GABRB1: variants seen among roughly 807,000 people sequenced by gnomAD.
GABRB1 encodes the protein gamma-aminobutyric acid receptor subunit beta-1.
GABRB1 carries 17 observed loss-of-function variants against 51.6 expected under a neutral mutation model. The observed-to-expected ratio is 0.33, with a 90% CI of 0.23 to 0.49. The LOEUF (loss-of-function observed/expected upper bound fraction) is 0.49. Ranked by LOEUF, GABRB1 falls within the 20% of genes least tolerant of loss-of-function variation. The pLI, the probability that GABRB1 is intolerant of heterozygous loss-of-function variation, is 0.99. For synonymous variants in GABRB1, 247 were observed against 218.9 expected, an observed-to-expected ratio of 1.13 and a Z score of -1.14; for missense variants, 410 against 600.6, an observed-to-expected ratio of 0.68 and a Z score of 3.32.
Position 47,354,992 on chromosome 4 carries a change from T to TTTTTG in GABRB1, c.544+34787_544+34788insGTTTT, listed in dbSNP as rs1560348628. Among the ~76,000 whole-genome samples, 1,028 of 135,878 alleles carry TTTTTG rather than the reference T, an allele frequency of 7.6e-3. 63 individuals carry two copies. The highest frequency in any genetic ancestry group is 0.028 in the African/African-American group (982 of 35,464). The allele number at this position is 135,878 out of a possible 152,430, so 89.1% of individuals were successfully genotyped here. ...TCTTTCTTCCTTTGTTTTTTTTTTTTTTTTTTTTTTTTTGACAGAATCTCT... is the reference window on the plus strand; with the variant it reads ...TCTTTCTTCCTTTGTTTTTTTTTTTTTTTTGTTTTTTTTTTTTTGACAGAATCTCT... On this transcript the variant is annotated intron_variant, in intron 5 of 8. Coordinates refer to ENST00000295454, the MANE Select transcript of GABRB1 (RefSeq NM_000812.4).
At chr4:47,262,121 A>ACATAGG (rs1310077233) in intron 4 of GABRB1, among the ~76,000 whole-genome samples, 2 of 151,550 alleles carry the variant, frequency 1.3e-5, no homozygotes, top group Non-Finnish European at 2.9e-5. Context: ...ACCATTCAGG[A>ACATAGG]CATAGGCATG....
intron 1 of GABRB1, among the ~76,000 whole-genome samples, chr4:47,007,531 A>ATG (rs1724444337): frequency 6.6e-6 from 1 of 152,208 alleles, no homozygotes. Flanking sequence ...CATAGAGAGA[A>ATG]TGCTGCACCT....
chr4:47,395,766 C>A (rs941869974), intron 5 of GABRB1, among the ~76,000 whole-genome samples: 1 of 152,108 alleles, frequency 6.6e-6, no homozygotes, highest in Non-Finnish European at 1.5e-5. Context: ...TCTTCCTAGT[C>A]CCCCCAAAAG....
chr4:47,014,551 G>A (rs1210141155), intron 1 of GABRB1, among the ~76,000 whole-genome samples: 2 of 151,900 alleles, frequency 1.3e-5, no homozygotes, highest in African/African-American at 4.8e-5. Context: ...CCCATACCTA[G>A]CAATTGTCCA....
chr4:47,163,247 A>G (rs977370455), intron 4 of GABRB1, among the ~76,000 whole-genome samples: 4 of 152,084 alleles, frequency 2.6e-5, no homozygotes, highest in Non-Finnish European at 5.9e-5. Context: ...TTATGAACTA[A>G]TCAATATGAC....
chr4:47,374,727 T>C (rs1035810012), intron 5 of GABRB1, among the ~76,000 whole-genome samples: 2 of 152,256 alleles, frequency 1.3e-5, no homozygotes, highest in East Asian at 1.9e-4. Context: ...GGCATTCCAG[T>C]TGGAGTAAAT....
At chr4:47,089,493 A>G (rs551452681) in intron 3 of GABRB1, among the ~76,000 whole-genome samples, 1 of 152,316 alleles carries the variant, frequency 6.6e-6, no homozygotes, top group East Asian at 1.9e-4. Context: ...GAATTTAGGT[A>G]GAGAATAAAC....
At chr4:47,349,406 G>GCTCCCT (rs1404493355) in intron 5 of GABRB1, among the ~76,000 whole-genome samples, 47 of 152,188 alleles carry the variant, frequency 3.1e-4, no homozygotes, top group Non-Finnish European at 5.1e-4. Flanking sequence ...AGAAAGGACA[G>GCTCCCT]TAGTACCTCC....
intron 4 of GABRB1, among the ~76,000 whole-genome samples, chr4:47,221,931 C>T (rs1390606100): frequency 6.6e-6 from 1 of 152,084 alleles, no homozygotes; most frequent in Non-Finnish European, 1.5e-5. Context: ...ATCTAGAACA[C>T]ATATTTTCTC....
intron 5 of GABRB1, among the ~76,000 whole-genome samples, chr4:47,336,665 C>A (rs1033380219): frequency 6.6e-6 from 1 of 152,122 alleles, no homozygotes; most frequent in African/African-American, 2.4e-5. Context: ...AAGAAGTGAT[C>A]ACCTAGGACA....
At chr4:47,411,081 T>G (rs1385845625) in intron 8 of GABRB1, among the ~76,000 whole-genome samples, 2 of 152,108 alleles carry the variant, frequency 1.3e-5, no homozygotes, top group Non-Finnish European at 2.9e-5. Flanking sequence ...TTACTAGACA[T>G]AAGAAGAAAC....
At chr4:47,333,242 C>T (rs1443953356) in intron 5 of GABRB1, among the ~76,000 whole-genome samples, 2 of 119,662 alleles carry the variant, frequency 1.7e-5, no homozygotes, top group African/African-American at 6.6e-5. Context: ...ATATACACAC[C>T]ACGTATTAAT....
intron 3 of GABRB1, among the ~76,000 whole-genome samples, chr4:47,141,572 G>T (rs1716936823): frequency 6.6e-6 from 1 of 151,774 alleles, no homozygotes; most frequent in South Asian, 2.1e-4. Context: ...ATTCTTATTT[G>T]CCCCTTTCAT....
chr4:47,208,883 TG>T (rs1428158092), intron 4 of GABRB1, among the ~76,000 whole-genome samples: 9 of 152,274 alleles, frequency 5.9e-5, no homozygotes, highest in African/African-American at 2.2e-4. Flanking sequence ...GCTCAGCTTT[TG>T]GTACTATCAG....
intron 4 of GABRB1, among the ~76,000 whole-genome samples, chr4:47,185,870 A>G (rs1719156327): frequency 6.6e-6 from 1 of 151,852 alleles, no homozygotes; most frequent in South Asian, 2.1e-4. Flanking sequence ...CCCAGCTCTC[A>G]AGTGCTGGGG....
chr4:47,282,510 G>A (rs1723330701), intron 4 of GABRB1, among the ~76,000 whole-genome samples: 1 of 152,050 alleles, frequency 6.6e-6, no homozygotes, highest in Non-Finnish European at 1.5e-5. Flanking sequence ...ATAACTAGTT[G>A]TAGTAGCCCC....
At chr4:47,286,541 G>C (rs561665129) in intron 4 of GABRB1, among the ~76,000 whole-genome samples, 1 of 151,976 alleles carries the variant, frequency 6.6e-6, no homozygotes, top group African/African-American at 2.4e-5. Context: ...AACACTTCAA[G>C]TCCCCTAATG....
At chr4:47,294,662 C>T (rs1467875075) in intron 4 of GABRB1, among the ~76,000 whole-genome samples, 1 of 152,226 alleles carries the variant, frequency 6.6e-6, no homozygotes, top group Non-Finnish European at 1.5e-5. Context: ...TTTGTAGGCT[C>T]CACCTCTGGG....
At chr4:47,020,032 C>T (rs1011541978) in intron 1 of GABRB1, among the ~76,000 whole-genome samples, 2 of 151,978 alleles carry the variant, frequency 1.3e-5, no homozygotes, top group African/African-American at 2.4e-5. Flanking sequence ...GCAATCTACC[C>T]GCCTCAGCCT....
Sources: gnomAD v4.1 joint callset for allele counts (sites outside exome capture counted in the v4.1 genomes callset) on GRCh38, gnomAD v4.1.1 for gene constraint, MANE v1.5 for transcripts, NCBI Gene and HGNC (gene_info 2026-07-23, HGNC 2026-07-21) for gene names.